The following EXOC4 variants were observed in gnomAD, a reference collection of about 807,000 sequenced individuals.
EXOC4 encodes exocyst complex component 4.
In EXOC4, 71 loss-of-function variants were observed where a neutral mutation model predicts 107.2. That is an observed-to-expected ratio of 0.66 (90% CI 0.55 to 0.81). EXOC4 has a LOEUF of 0.81. EXOC4 is among the 30% of genes least tolerant of loss of function. The pLI is 0.00. For synonymous variants in EXOC4, 456 were observed against 441.2 expected (o/e 1.03, Z -0.42); for missense variants, 1,108 against 1,189.6 (o/e 0.93, Z 1.01).
At chr7:133,293,752 G>A (rs1406085084) in intron 3 of EXOC4, among the ~76,000 whole-genome samples, 1 of 152,162 alleles carries the variant, frequency 6.6e-6, no homozygotes, top group Non-Finnish European at 1.5e-5. Flanking sequence ...AAATAGGTCT[G>A]GCCTTTTGTT....
chr7:134,046,847 G>T lies in EXOC4; in HGVS notation c.2688-17444G>T, dbSNP rs911092917. The stretch of plus-strand genomic sequence containing the variant: ...CAGGTCATTACAAAAAACAGTTCAG[G>T]GGAGTGGGGCGGGCTGTAGGGGGAG... On this transcript the variant is annotated intron_variant, in intron 17 of 17. Coordinates refer to ENST00000253861, the MANE Select transcript of EXOC4 (RefSeq NM_021807.4). 2.6e-5 allele frequency among the ~76,000 whole-genome samples: 4 copies of T among 152,288 alleles called. No individual in the cohort carries two copies. The South Asian group carries it at 8.3e-4, about 32-fold the overall frequency.
chr7:133,611,430 C>T (rs1802074270), intron 9 of EXOC4, among the ~76,000 whole-genome samples: 1 of 152,176 alleles, frequency 6.6e-6, no homozygotes, highest in Non-Finnish European at 1.5e-5. Flanking sequence ...TTTTTAAAGA[C>T]ATGATCTTCT....
intron 14 of EXOC4, among the ~76,000 whole-genome samples, chr7:133,992,316 G>A (rs1188901295): frequency 2.6e-5 from 4 of 151,612 alleles, no homozygotes; most frequent in Admixed American, 6.6e-5. Flanking sequence ...AGGGTCTGAC[G>A]CTGTTGCCTA....
chr7:133,578,698 A>G (rs1283548835), intron 9 of EXOC4, among the ~76,000 whole-genome samples: 1 of 152,188 alleles, frequency 6.6e-6, no homozygotes, highest in African/African-American at 2.4e-5. Context: ...CATAGCTGTC[A>G]AAGTTCTTAA....
At chr7:133,698,112 A>G (rs1045428308) in intron 10 of EXOC4, among the ~76,000 whole-genome samples, 2 of 9,004 alleles carry the variant, frequency 2.2e-4, no homozygotes, top group Admixed American at 4.0e-3. Context: ...AATGTAAATA[A>G]TTTATGAAAA....
At chr7:133,706,818 T>A (rs1484744575) in intron 10 of EXOC4, among the ~76,000 whole-genome samples, 1 of 152,102 alleles carries the variant, frequency 6.6e-6, no homozygotes, top group African/African-American at 2.4e-5. Context: ...AGAGTACCTG[T>A]CTCTCTTCTT....
At chr7:133,742,759 A>G (rs992336384) in intron 10 of EXOC4, among the ~76,000 whole-genome samples, 4 of 152,186 alleles carry the variant, frequency 2.6e-5, no homozygotes, top group African/African-American at 9.7e-5. Context: ...TTTAAAAGGG[A>G]ACACATGTAG....
At chr7:133,443,122 G>C (rs1033209548) in intron 7 of EXOC4, among the ~76,000 whole-genome samples, 1 of 152,166 alleles carries the variant, frequency 6.6e-6, no homozygotes, top group Non-Finnish European at 1.5e-5. Flanking sequence ...TCCCTGTAGG[G>C]GTGGTGTTAT....
At chr7:134,057,890 C>T (rs1322822272) in intron 17 of EXOC4, among the ~76,000 whole-genome samples, 2 of 152,128 alleles carry the variant, frequency 1.3e-5, no homozygotes, top group African/African-American at 4.8e-5. Context: ...GTGGTATTTG[C>T]CCAAGGTCAC....
chr7:134,083,592 C>T, the EXOC4 span, among the ~76,000 whole-genome samples: 3 of 152,266 alleles, frequency 2.0e-5, no homozygotes, highest in African/African-American at 7.2e-5. Flanking sequence ...AGCCTGACAC[C>T]TTGGTGGGAA....
chr7:133,799,590 C>G (rs1474436242), intron 10 of EXOC4, among the ~76,000 whole-genome samples: 1 of 152,096 alleles, frequency 6.6e-6, no homozygotes. Context: ...ATGAAATCAT[C>G]AAATGGCCAT....
intron 17 of EXOC4, among the ~76,000 whole-genome samples, chr7:134,026,041 T>G (rs1795130928): frequency 6.6e-6 from 1 of 152,190 alleles, no homozygotes; most frequent in South Asian, 2.1e-4. Flanking sequence ...TTTGTCAGAA[T>G]GCTTTCAGTG....
rs569657086 is a variant in EXOC4, at chr7:133,843,660, T to A, written c.1734+26116T>A. The stretch of plus-strand genomic sequence containing the variant: ...TTCCTATTTGGATGCCTTTTCTTTT[T>A]TTTTGTCTGATTGCTGTGTCCAGGA... On this transcript the variant is annotated intron_variant, in intron 11 of 17. Coordinates refer to ENST00000253861, the MANE Select transcript of EXOC4 (RefSeq NM_021807.4). Among the ~76,000 whole-genome samples, 4 of 152,234 alleles carry A rather than the reference T, an allele frequency of 2.6e-5. No individual in the cohort carries two copies. The East Asian group carries it at 7.7e-4, about 29-fold the overall frequency.
At chr7:133,946,387 C>G (rs1423641834) in intron 14 of EXOC4, among the ~76,000 whole-genome samples, 2 of 152,180 alleles carry the variant, frequency 1.3e-5, no homozygotes, top group Admixed American at 6.5e-5. Flanking sequence ...TTGGCCTTAT[C>G]TCATTAACAT....
intron 3 of EXOC4, among the ~76,000 whole-genome samples, chr7:133,295,458 T>C (rs1666282265): frequency 6.6e-6 from 1 of 152,180 alleles, no homozygotes; most frequent in South Asian, 2.1e-4. Context: ...TGTAATTTGT[T>C]GGTAAAGTAT....
chr7:133,798,616 A>C (rs973124460), intron 10 of EXOC4, among the ~76,000 whole-genome samples: 2 of 152,192 alleles, frequency 1.3e-5, no homozygotes, highest in Non-Finnish European at 2.9e-5. Context: ...ACAGATTAGG[A>C]GCCTGAGTGG....
chr7:133,683,502 C>A (rs1297510793), intron 10 of EXOC4, among the ~76,000 whole-genome samples: 1 of 152,254 alleles, frequency 6.6e-6, no homozygotes, highest in African/African-American at 2.4e-5. Context: ...GCCATTTTAA[C>A]TAATATCTGT....
intron 9 of EXOC4, among the ~76,000 whole-genome samples, chr7:133,550,589 G>A (rs1242812808): frequency 1.3e-5 from 2 of 152,212 alleles, no homozygotes; most frequent in East Asian, 3.9e-4. Context: ...AGTATTATAA[G>A]TATAAGGCTT....
At chr7:133,797,033 T>A (rs1796831943) in intron 10 of EXOC4, among the ~76,000 whole-genome samples, 1 of 152,174 alleles carries the variant, frequency 6.6e-6, no homozygotes, top group Admixed American at 6.5e-5. Context: ...TAGCAAAAAC[T>A]AATCTGATGA....
Sources: gnomAD v4.1 joint callset for allele counts (sites outside exome capture counted in the v4.1 genomes callset) on GRCh38, gnomAD v4.1.1 for gene constraint, MANE v1.5 for transcripts, NCBI Gene and HGNC (gene_info 2026-07-23, HGNC 2026-07-21) for gene names.